Variants in PKHD1 observed in about 807,000 individuals in gnomAD.
PKHD1 encodes the protein PKHD1 ciliary IPT domain containing fibrocystin/polyductin, also known as fibrocystin.
In PKHD1, 291 loss-of-function variants were observed where a neutral mutation model predicts 412.0. The observed-to-expected ratio is 0.71, with a 90% confidence interval of 0.64 to 0.78. The LOEUF (loss-of-function observed/expected upper bound fraction) is 0.78. Ranked by LOEUF, PKHD1 falls within the 30% of genes least tolerant of loss-of-function variation. The pLI is 0.00. For synonymous variants in PKHD1, 1,777 were observed against 1,821.5 expected (o/e 0.98, Z 0.62); for missense variants, 4,825 against 4,950.7 (o/e 0.97, Z 0.76).
In PKHD1 at chr6:52,083,275, A is replaced by T. The variant is rs1177724229; in HGVS notation, c.53-20T>A. ...GACGTACTGTAAGTAAGTGAAAAAA[A>T]ACATTGGTTTTGAAGGTCAGATTCA... On this transcript the variant is annotated intron_variant, in intron 2 of 66. Transcript: ENST00000371117. The T allele has an allele frequency of 6.5e-7, 1 of 1,539,146 alleles. No individual in the cohort carries two copies. Among genetic ancestry groups the T allele is most frequent in the Non-Finnish European group, 9.0e-7 (1 of 1,111,756 alleles).
intron 35 of PKHD1, among the ~76,000 whole-genome samples, chr6:51,992,345 A>G (rs1004842230): frequency 6.6e-5 from 10 of 152,164 alleles, no homozygotes; most frequent in African/African-American, 2.4e-4. Flanking sequence ...ATTTTTCTCA[A>G]TCTTCCCAAA....
rs546378146 is a variant in PKHD1 at position 51,955,979 on chromosome 6, A to T, written c.5908+3891T>A. 8.5e-4 allele frequency among the ~76,000 whole-genome samples: 130 copies of T among 152,140 alleles called. 1 individual carries two copies. The highest frequency in any genetic ancestry group is 3.4e-3 in the Middle Eastern group (1 of 294). ...GTTACTGTTGTTGTTGTTGATGATG[A>T]TTGTGATTATTCAATCTTATATTTG... is the stretch of plus-strand genomic sequence containing the variant. On this transcript the variant is annotated intron_variant, in intron 36 of 66. Coordinates refer to ENST00000371117, the MANE Select transcript of PKHD1 (RefSeq NM_138694.4).
chr6:51,919,467 T>G (rs1784345893), intron 37 of PKHD1, among the ~76,000 whole-genome samples: 1 of 152,202 alleles, frequency 6.6e-6, no homozygotes, highest in African/African-American at 2.4e-5. Flanking sequence ...CTGAGGGCTC[T>G]GTTCTGTTCC....
intron 25 of PKHD1, 119 bp from the exon 26 acceptor site, chr6:52,043,849 C>G: frequency 1.4e-6 from 1 of 693,834 alleles, no homozygotes; most frequent in South Asian, 1.6e-5. Context: ...AATTCTTATT[C>G]CTTTTTTCTA....
rs748816481 is a variant in PKHD1, at chr6:52,072,132, A to G, written c.585T>C (p.Asn195=). The G allele has an allele frequency of 4.4e-6, 7 of 1,606,294 alleles. No individual in the cohort carries two copies. Among genetic ancestry groups the G allele is most frequent in the Non-Finnish European group, 6.0e-6 (7 of 1,172,880 alleles). Residue 195 remains asparagine (N), a synonymous_variant, in exon 8 of 67, where the codon AAT becomes AAC. Transcript: ENST00000371117. ...ACACTCACCAGCTTCCCATCTGCCT[A>G]TTTATAAGAGAGCAAGGAGTAACCC... ...DKWVTPCSLI[N]RQMGSCYPIQ...
intron 60 of PKHD1, among the ~76,000 whole-genome samples, chr6:51,741,367 T>C (rs1784529644): frequency 6.6e-6 from 1 of 152,214 alleles, no homozygotes; most frequent in Admixed American, 6.5e-5. Flanking sequence ...TTTTTTTCTT[T>C]TGATAATTTT....
intron 36 of PKHD1, among the ~76,000 whole-genome samples, chr6:51,952,828 G>T (rs1790555567): frequency 1.3e-5 from 2 of 151,992 alleles, no homozygotes. Flanking sequence ...AGCCCCTTAG[G>T]GTACCATGCC....
intron 63 of PKHD1, among the ~76,000 whole-genome samples, chr6:51,642,820 A>G: frequency 6.6e-6 from 1 of 152,162 alleles, no homozygotes; most frequent in South Asian, 2.1e-4. Context: ...AGCCTGGGTA[A>G]CAGAGCCAGG....
intron 34 of PKHD1, among the ~76,000 whole-genome samples, chr6:52,012,771 C>T (rs1481686799): frequency 2.0e-5 from 3 of 152,108 alleles, no homozygotes; most frequent in Non-Finnish European, 2.9e-5. Flanking sequence ...GAAGGTCTCC[C>T]GCTATGTTTA....
rs9357704 is a variant in PKHD1 at position 51,670,676 on chromosome 6, A to T, written c.10157-10707T>A. Among the ~76,000 whole-genome samples, 11 of 151,938 alleles carry T rather than the reference A, an allele frequency of 7.2e-5. No homozygotes were observed. The East Asian group carries it at 1.2e-3, about 16-fold the overall frequency. ...TTTACAATTTGGCATGATTTTGCAG[A>T]GGCTGGTACCAGTTGTGCCTTTCCA... On this transcript the variant is annotated intron_variant, in intron 60 of 66. Coordinates refer to ENST00000371117, the MANE Select transcript of PKHD1 (RefSeq NM_138694.4).
intron 35 of PKHD1, chr6:51,975,916 G>T (rs1363433981): frequency 2.4e-5 from 3 of 125,094 alleles, no homozygotes; most frequent in Non-Finnish European, 3.1e-5. Flanking sequence ...CCCATGAATA[G>T]CCACAGCACT....
chr6:51,811,664 T>C (rs1764701420), intron 52 of PKHD1, among the ~76,000 whole-genome samples: 1 of 152,146 alleles, frequency 6.6e-6, no homozygotes, highest in Non-Finnish European at 1.5e-5. Context: ...AGAGAGATGG[T>C]AATAGTGCTT....
intron 27 of PKHD1, among the ~76,000 whole-genome samples, chr6:52,039,463 T>A (rs1382254086): frequency 6.6e-6 from 1 of 152,230 alleles, no homozygotes; most frequent in African/African-American, 2.4e-5. Flanking sequence ...TGTGAAGATG[T>A]GCTTGCTTCC....
intron 37 of PKHD1, among the ~76,000 whole-genome samples, chr6:51,921,059 T>A (rs1440895913): frequency 2.7e-5 from 4 of 150,568 alleles, no homozygotes; most frequent in Non-Finnish European, 5.9e-5. Context: ...TTTGTTAATC[T>A]TTTCAAAAAA....
At chr6:52,013,983 C>A (rs976107186) in intron 34 of PKHD1, among the ~76,000 whole-genome samples, 1 of 152,242 alleles carries the variant, frequency 6.6e-6, no homozygotes, top group Non-Finnish European at 1.5e-5. Flanking sequence ...ACTAAGCACA[C>A]TGCATCAGAA....
At chr6:51,707,679 G>A (rs183386230) in intron 60 of PKHD1, among the ~76,000 whole-genome samples, 9 of 151,898 alleles carry the variant, frequency 5.9e-5, no homozygotes, top group African/African-American at 1.2e-4. Context: ...ACCCATTCCC[G>A]TCTGACTTCC....
rs755074345 is a variant in PKHD1, at chr6:51,883,177, G to A, written c.7266C>T (p.Cys2422=). 6.2e-7 allele frequency: 1 copy of A among 1,610,288 alleles called. No individual in the cohort carries two copies. Among genetic ancestry groups the A allele is most frequent in the South Asian group, 1.1e-5 (1 of 91,002 alleles). The change falls in exon 46 of 67, where the codon TGC becomes TGT. Residue 2422 remains cysteine, a synonymous_variant. Coordinates refer to ENST00000371117, the MANE Select transcript of PKHD1 (RefSeq NM_138694.4). ...LRLKNFKVYS[C]RDFGIDVLES... ...CCAAGACGTCAATTCCAAAATCTCT[G>A]CATGAATAAACTTTGAAGTTTTTCA...
rs2127637295 is a variant in PKHD1 at position 51,906,332 on chromosome 6, T to C, written c.6691A>G (p.Ile2231Val). The change falls in exon 41 of 67, where the codon ATA becomes GTA. Residue 2231 changes from isoleucine (I) to valine (V), a missense_variant. Ile to Val is a conservative substitution (Grantham distance 29). Coordinates refer to ENST00000371117, the MANE Select transcript of PKHD1 (RefSeq NM_138694.4). ...GAGTTCCTCACTGTGCAGCCCTGTA[T>C]GAAAGACTCTGAATAGGAAAGAGTA... ...TLVGAMRESFIQGCTVRNSFS... is the reference protein window; with the variant it reads ...TLVGAMRESFVQGCTVRNSFS... 1.9e-6 allele frequency: 3 copies of C among 1,611,200 alleles called. No individual in the cohort carries two copies. Among genetic ancestry groups the C allele is most frequent in the Non-Finnish European group, 2.5e-6 (3 of 1,177,662 alleles).
intron 43 of PKHD1, among the ~76,000 whole-genome samples, chr6:51,902,413 T>TA (rs1171664500): frequency 6.6e-6 from 1 of 152,190 alleles, no homozygotes; most frequent in Non-Finnish European, 1.5e-5. Flanking sequence ...ACAGTCCGTG[T>TA]AGTTCTGCTT....
Sources: gnomAD v4.1 joint callset for allele counts (sites outside exome capture counted in the v4.1 genomes callset) on GRCh38, gnomAD v4.1.1 for gene constraint, MANE v1.5 for transcripts, NCBI Gene and HGNC (gene_info 2026-07-23, HGNC 2026-07-21) for gene names.